The following SGCD variants were observed in gnomAD, a reference collection of about 807,000 sequenced individuals.
SGCD encodes the protein delta-sarcoglycan.
In SGCD, 18 loss-of-function variants were observed where a neutral mutation model predicts 36.6. The observed-to-expected ratio is 0.49, with a 90% CI of 0.34 to 0.73. The LOEUF (loss-of-function observed/expected upper bound fraction) is 0.73. Ranked by LOEUF, SGCD falls within the 30% of genes least tolerant of loss-of-function variation. The pLI, the probability that SGCD is intolerant of heterozygous loss-of-function variation, is 0.01. For synonymous variants in SGCD, 133 were observed against 130.6 expected (o/e 1.02, Z -0.12); for missense variants, 387 against 346.7 (o/e 1.12, Z -0.92).
At chr5:156,372,991 G>A in intron 3 of SGCD, among the ~76,000 whole-genome samples, 1 of 152,048 alleles carries the variant, frequency 6.6e-6, no homozygotes, top group East Asian at 1.9e-4. Context: ...TACATTTAAG[G>A]TGTAGAGAAA....
At chr5:156,703,850 T>A (rs1227408898) in intron 7 of SGCD, among the ~76,000 whole-genome samples, 1 of 152,170 alleles carries the variant, frequency 6.6e-6, no homozygotes, top group Non-Finnish European at 1.5e-5. Flanking sequence ...CCACAAACCA[T>A]GGCTTTGAGC....
In SGCD at chr5:156,548,292, G is replaced by A. The variant is rs961855937; in HGVS notation, c.294+39590G>A. ...GAATGTCCCCTTACCAACTTTGGAA[G>A]GAGAAGAGTTAATTGGAAAAGTATG... On this transcript the variant is annotated intron_variant, in intron 4 of 8. Transcript: ENST00000337851. Among the ~76,000 whole-genome samples the A allele has an allele frequency of 2.2e-4, 34 of 152,208 alleles. 1 individual carries two copies. Among genetic ancestry groups the A allele is most frequent in the Admixed American group, 2.0e-3 (31 of 15,288 alleles).
At chr5:156,239,399 CAAAAAA>C (rs34839655) in intron 3 of SGCD, among the ~76,000 whole-genome samples, 25 of 72,626 alleles carry the variant, frequency 3.4e-4, no homozygotes, top group African/African-American at 1.3e-3. Context: ...GATTTCATCT[CAAAAAA>C]AAAAAAAAAA....
chr5:155,833,136 A>G, the SGCD span, among the ~76,000 whole-genome samples: 2 of 151,884 alleles, frequency 1.3e-5, no homozygotes, highest in African/African-American at 4.8e-5. Flanking sequence ...AGGCTGAGGC[A>G]GGAGAATCAC....
At chr5:156,695,535 A>AGATAGATAGATG (rs1561862055) in intron 7 of SGCD, among the ~76,000 whole-genome samples, 2 of 132,668 alleles carry the variant, frequency 1.5e-5, no homozygotes, top group African/African-American at 6.5e-5. Flanking sequence ...ATAGATAGAT[A>AGATAGATAGATG]GATAGATAGA....
chr5:155,740,187 C>T, the SGCD span, among the ~76,000 whole-genome samples: 1 of 152,208 alleles, frequency 6.6e-6, no homozygotes, highest in Admixed American at 6.5e-5. Context: ...CAACCTCGAC[C>T]TCCTGAGCTT....
At chr5:156,720,658 T>C (rs184157553) in intron 7 of SGCD, among the ~76,000 whole-genome samples, 1 of 152,330 alleles carries the variant, frequency 6.6e-6, no homozygotes, top group East Asian at 1.9e-4. Context: ...ATCAGGGTCA[T>C]GAAGAATCAA....
intron 1 of SGCD, among the ~76,000 whole-genome samples, chr5:155,965,827 C>T (rs1049562603): frequency 2.0e-5 from 3 of 152,076 alleles, no homozygotes; most frequent in African/African-American, 7.2e-5. Context: ...AAGGAGCCCC[C>T]GACCCCTTCT....
chr5:156,185,104 A>G (rs986787732), intron 3 of SGCD, among the ~76,000 whole-genome samples: 2 of 152,132 alleles, frequency 1.3e-5, no homozygotes, highest in Non-Finnish European at 2.9e-5. Context: ...TTCTAAAAAT[A>G]ATTGAAATGT....
chr5:156,582,213 C>T (rs987990875), intron 4 of SGCD, among the ~76,000 whole-genome samples: 1 of 152,130 alleles, frequency 6.6e-6, no homozygotes, highest in East Asian at 1.9e-4. Context: ...GAAATTGTAA[C>T]CTTGGAAACA....
At chr5:156,030,697 C>A (rs1402746711) in intron 1 of SGCD, among the ~76,000 whole-genome samples, 1 of 152,006 alleles carries the variant, frequency 6.6e-6, no homozygotes, top group Non-Finnish European at 1.5e-5. Context: ...AGGAAGTAGT[C>A]ATTTCCATAG....
chr5:155,799,820 T>C, the SGCD span, among the ~76,000 whole-genome samples: 6 of 137,678 alleles, frequency 4.4e-5, no homozygotes, highest in East Asian at 2.1e-4. Context: ...CCCTTTTTTT[T>C]TTTTTTTTTT....
intron 4 of SGCD, among the ~76,000 whole-genome samples, chr5:156,566,983 G>A (rs1759505483): frequency 6.6e-6 from 1 of 152,070 alleles, no homozygotes; most frequent in African/African-American, 2.4e-5. Flanking sequence ...CCTTTGAACA[G>A]CTTAGCTGTT....
intron 3 of SGCD, among the ~76,000 whole-genome samples, chr5:156,378,401 A>G (rs758040512): frequency 2.6e-5 from 4 of 152,198 alleles, no homozygotes; most frequent in Non-Finnish European, 5.9e-5. Context: ...AAAGGTTCTG[A>G]AAATAGATGG....
rs1561593254 is a variant in SGCD, at chr5:156,269,503, A to AC, written c.-43-60031_-43-60030insC. Among the ~76,000 whole-genome samples the AC allele has an allele frequency of 5.2e-4, 76 of 147,330 alleles. 11 individuals carry two copies. The highest frequency in any genetic ancestry group is 1.8e-3 in the African/African-American group (69 of 39,210). On this transcript the variant is annotated intron_variant, in intron 3 of 9. Transcript: ENST00000517913. ...AAAAAAAAAAAAAAAAAAAAAAAAA[A>AC]AAAAAAACCATCAGATCTCATGAAA...
At chr5:155,894,915 A>C (rs1322908049) in intron 1 of SGCD, among the ~76,000 whole-genome samples, 4 of 152,106 alleles carry the variant, frequency 2.6e-5, no homozygotes, top group African/African-American at 9.7e-5. Context: ...CATCCTGCAA[A>C]CCCCTGCCAC....
intron 3 of SGCD, among the ~76,000 whole-genome samples, chr5:156,474,507 C>T (rs764917037): frequency 6.6e-6 from 1 of 152,194 alleles, no homozygotes; most frequent in Non-Finnish European, 1.5e-5. Context: ...CTGCCAGCAG[C>T]AGGGCAGGGA....
chr5:156,607,944 G>A (rs190052685), intron 6 of SGCD, among the ~76,000 whole-genome samples: 123 of 151,666 alleles, frequency 8.1e-4, no homozygotes, highest in African/African-American at 2.8e-3. Flanking sequence ...TTTCTTCTTG[G>A]TTAGTCTTGC....
chr5:156,303,104 T>C (rs1225031243), intron 3 of SGCD, among the ~76,000 whole-genome samples: 4 of 152,178 alleles, frequency 2.6e-5, no homozygotes, highest in Admixed American at 2.6e-4. Flanking sequence ...AGGAATGCCA[T>C]CTGGGAGGTA....
Sources: allele counts gnomAD v4.1 joint callset (sites outside exome capture counted in the v4.1 genomes callset), GRCh38; gene constraint gnomAD v4.1.1; transcripts MANE v1.5; gene names NCBI Gene and HGNC (gene_info 2026-07-23, HGNC 2026-07-21).